Variants in CLIC5 observed in about 807,000 individuals in gnomAD.
CLIC5 encodes the protein CLIC family member 5.
In CLIC5, 20 loss-of-function variants were observed where a neutral mutation model predicts 24.7. The ratio of observed to expected loss-of-function variants is 0.81; its 90% CI spans 0.57 to 1.18. CLIC5 has a LOEUF of 1.18. Among genes scored for constraint, CLIC5 ranks in the 50% most tolerant of loss-of-function variants. The pLI is 0.00. For synonymous variants in CLIC5, 159 were observed against 135.6 expected (o/e 1.17, Z -1.20); for missense variants, 341 against 326.1 (o/e 1.05, Z -0.35).
At chr6:46,027,291 G>C (rs1173762260) in intron 1 of CLIC5, among the ~76,000 whole-genome samples, 3 of 152,200 alleles carry the variant, frequency 2.0e-5, no homozygotes, top group African/African-American at 7.2e-5. Context: ...TTTAAGCCCA[G>C]ACCTGAAAGA....
chr6:45,911,640 T>C (rs1762823298), intron 5 of CLIC5: 1 of 985,290 alleles, frequency 1.0e-6, no homozygotes, highest in South Asian at 4.7e-5. Context: ...ATACTGAAAT[T>C]TTATTTTCAG....
chr6:46,109,766 A>G, the CLIC5 span, among the ~76,000 whole-genome samples: 2 of 152,096 alleles, frequency 1.3e-5, no homozygotes, highest in Non-Finnish European at 2.9e-5. Context: ...GCAAAGTTGA[A>G]ATGTTTATCT....
intron 1 of CLIC5, among the ~76,000 whole-genome samples, chr6:46,062,413 A>G (rs1762310235): frequency 6.6e-6 from 1 of 152,248 alleles, no homozygotes; most frequent in Non-Finnish European, 1.5e-5. Context: ...TTCTTAAACA[A>G]TGTACTGTCT....
chr6:46,012,952 A>G (rs1766857136), intron 1 of CLIC5, among the ~76,000 whole-genome samples: 1 of 152,232 alleles, frequency 6.6e-6, no homozygotes, highest in Admixed American at 6.5e-5. Flanking sequence ...ATTATGTCCT[A>G]ATATGCTGCA....
rs1554151284 is a variant in CLIC5 at position 45,958,441 on chromosome 6, T to TATACACACACACACACACACACACACAC, written c.64-3198_64-3197insGTGTGTGTGTGTGTGTGTGTGTGTGTAT. On this transcript the variant is annotated intron_variant, in intron 1 of 5. Coordinates refer to ENST00000339561, the MANE Select transcript of CLIC5 (RefSeq NM_016929.5). ...AGACAATTATATATATATATATATA[T>TATACACACACACACACACACACACACAC]ATATATATATATATATATATATATA... is the stretch of plus-strand genomic sequence containing the variant. 1.7e-3 allele frequency among the ~76,000 whole-genome samples: 31 copies of TATACACACACACACACACACACACACAC among 17,946 alleles called. 2 individuals carry two copies. The highest frequency in any genetic ancestry group is 4.7e-3 in the South Asian group (3 of 638). 11.8% of individuals were successfully genotyped at this position (17,946 alleles called of 152,430 possible).
intron 1 of CLIC5, among the ~76,000 whole-genome samples, chr6:46,063,237 A>G (rs1369960038): frequency 6.6e-6 from 1 of 152,202 alleles, no homozygotes; most frequent in Non-Finnish European, 1.5e-5. Context: ...CTTGAACCCA[A>G]AAGGGCAATA....
At chr6:45,979,521 C>T (rs796271184) in intron 1 of CLIC5, among the ~76,000 whole-genome samples, 5 of 152,226 alleles carry the variant, frequency 3.3e-5, no homozygotes, top group African/African-American at 1.2e-4. Flanking sequence ...ACTCTTCCAG[C>T]CTTCTGCCTT....
chr6:45,918,412 G>A (rs764349565), intron 4 of CLIC5, among the ~76,000 whole-genome samples: 57 of 152,306 alleles, frequency 3.7e-4, no homozygotes, highest in Middle Eastern at 6.8e-3. Context: ...ACAAGTTCTT[G>A]CAAGAACAGC....
chr6:45,987,738 GGAGAGA>G (rs147799533), intron 1 of CLIC5, among the ~76,000 whole-genome samples: 1 of 151,772 alleles, frequency 6.6e-6, no homozygotes, highest in Non-Finnish European at 1.5e-5. Flanking sequence ...AGAAGGAGAG[GGAGAGA>G]GAGAGAGAAT....
At chr6:45,973,426 T>G (rs1354354736) in intron 1 of CLIC5, among the ~76,000 whole-genome samples, 2 of 152,214 alleles carry the variant, frequency 1.3e-5, no homozygotes, top group Non-Finnish European at 2.9e-5. Flanking sequence ...TTTCTTTTCA[T>G]TTTTTAAAAT....
chr6:45,998,397 A>T (rs1201980924), intron 1 of CLIC5, among the ~76,000 whole-genome samples: 1 of 152,170 alleles, frequency 6.6e-6, no homozygotes, highest in Non-Finnish European at 1.5e-5. Context: ...GATTTGTCAG[A>T]ATAGCACCCC....
chr6:46,113,496 C>A, the CLIC5 span, among the ~76,000 whole-genome samples: 2 of 152,012 alleles, frequency 1.3e-5, no homozygotes, highest in South Asian at 2.1e-4. Context: ...TACAGCCCAG[C>A]AAGTAGGCAG....
In CLIC5 at chr6:45,971,071, C is replaced by T. The variant is rs541835459; in HGVS notation, c.64-15827G>A. 9.8e-5 allele frequency among the ~76,000 whole-genome samples: 15 copies of T among 152,314 alleles called. 1 individual carries two copies. The South Asian group carries it at 2.9e-3, about 29-fold the overall frequency. ...AGGTACAGAAATTGTTCTTTTTCCT[C>T]TACTGGATCCTTTCTGTAAGTCTTA... On this transcript the variant is annotated intron_variant, in intron 1 of 5. Transcript: ENST00000339561.
At chr6:46,081,996 G>T (rs1308986581), upstream of CLIC5, among the ~76,000 whole-genome samples, 1 of 152,040 alleles carries the variant, frequency 6.6e-6, no homozygotes, top group African/African-American at 2.4e-5. Flanking sequence ...TTTGCATATT[G>T]TATATACATA....
the CLIC5 span, chr6:46,122,959 A>G: frequency 1.3e-3 from 197 of 152,354 alleles, 1 homozygote; most frequent in African/African-American, 4.7e-3. Context: ...AACCAAAAAA[A>G]GTCCAGGACC....
the CLIC5 span, among the ~76,000 whole-genome samples, chr6:46,099,425 T>G: frequency 6.6e-6 from 1 of 152,238 alleles, no homozygotes; most frequent in African/African-American, 2.4e-5. Context: ...TACTATACAC[T>G]GAGCAAGTGA....
At chr6:46,099,611 C>A in the CLIC5 span, among the ~76,000 whole-genome samples, 4 of 152,122 alleles carry the variant, frequency 2.6e-5, no homozygotes, top group South Asian at 4.1e-4. Flanking sequence ...TTCTAGATTG[C>A]CTTACTCACT....
At chr6:45,943,190 G>A (rs1764188932) in intron 3 of CLIC5, among the ~76,000 whole-genome samples, 1 of 152,240 alleles carries the variant, frequency 6.6e-6, no homozygotes, top group Admixed American at 6.5e-5. Context: ...CTGCCTGGCA[G>A]AGCCAGGATC....
intron 3 of CLIC5, among the ~76,000 whole-genome samples, chr6:45,948,656 T>C (rs986365046): frequency 1.3e-5 from 2 of 152,206 alleles, no homozygotes; most frequent in Non-Finnish European, 2.9e-5. Flanking sequence ...GTCTTCTTTT[T>C]ACTGCTCTTT....
Sources: gnomAD v4.1 joint callset for allele counts (sites outside exome capture counted in the v4.1 genomes callset) on GRCh38, gnomAD v4.1.1 for gene constraint, MANE v1.5 for transcripts, NCBI Gene and HGNC (gene_info 2026-07-23, HGNC 2026-07-21) for gene names.